WWOX: variants seen among roughly 807,000 people sequenced by gnomAD.
WWOX encodes WW domain containing oxidoreductase.
A neutral mutation model predicts 46.2 loss-of-function variants in WWOX; 69 were observed. That is an observed-to-expected ratio of 1.49 (90% CI 1.23 to 1.82). The LOEUF (loss-of-function observed/expected upper bound fraction) is 1.82. Among genes scored for constraint, WWOX ranks in the 40% most tolerant of loss-of-function variants. The pLI is 0.00. For synonymous variants in WWOX, 359 were observed against 202.6 expected (o/e 1.77, Z -6.56); for missense variants, 919 against 542.6 (o/e 1.69, Z -6.89).
chr16:78,394,964 A>G (rs2082252913), intron 6 of WWOX, among the ~76,000 whole-genome samples: 1 of 152,196 alleles, frequency 6.6e-6, no homozygotes, highest in South Asian at 2.1e-4. Flanking sequence ...AGTGTGTGTA[A>G]TGTGTATTTT....
At chr16:78,351,970 T>C (rs1185903021) in intron 5 of WWOX, among the ~76,000 whole-genome samples, 1 of 152,186 alleles carries the variant, frequency 6.6e-6, no homozygotes, top group African/African-American at 2.4e-5. Context: ...TGTTTGTTTT[T>C]CTTCAAACCT....
intron 8 of WWOX, among the ~76,000 whole-genome samples, chr16:78,505,727 C>G (rs2085183353): frequency 6.6e-6 from 1 of 152,220 alleles, no homozygotes; most frequent in Non-Finnish European, 1.5e-5. Flanking sequence ...AGGGAGCATG[C>G]AGGCTTAAGG....
chr16:79,197,121 C>A (rs991102469), intron 8 of WWOX, among the ~76,000 whole-genome samples: 2 of 152,208 alleles, frequency 1.3e-5, no homozygotes, highest in African/African-American at 4.8e-5. Context: ...TTATAGGGAC[C>A]AAGTTGAAAC....
At chr16:79,187,791 C>T (rs1291263354) in intron 8 of WWOX, among the ~76,000 whole-genome samples, 2 of 152,258 alleles carry the variant, frequency 1.3e-5, no homozygotes, top group African/African-American at 2.4e-5. Context: ...ATGCACTGGC[C>T]TTGGCCTCCC....
intron 8 of WWOX, among the ~76,000 whole-genome samples, chr16:79,199,011 T>G (rs2051294846): frequency 6.6e-6 from 1 of 152,206 alleles, no homozygotes; most frequent in Non-Finnish European, 1.5e-5. Flanking sequence ...TCACTTGCTC[T>G]TTGACCTAGG....
At chr16:78,457,459 C>A (rs2083846513) in intron 8 of WWOX, among the ~76,000 whole-genome samples, 1 of 152,076 alleles carries the variant, frequency 6.6e-6, no homozygotes, top group Non-Finnish European at 1.5e-5. Context: ...TGAATTTCAC[C>A]AATTGGTAGG....
intron 8 of WWOX, among the ~76,000 whole-genome samples, chr16:78,710,485 TATA>T (rs2142321690): frequency 1.5e-5 from 2 of 130,610 alleles, no homozygotes; most frequent in South Asian, 4.5e-4. Flanking sequence ...TATATATATA[TATA>T]TATATATATA....
intron 8 of WWOX, among the ~76,000 whole-genome samples, chr16:78,654,245 G>C (rs1052381904): frequency 6.6e-6 from 1 of 152,196 alleles, no homozygotes; most frequent in African/African-American, 2.4e-5. Flanking sequence ...CTGGTTTTCA[G>C]ATTCTTTATT....
intron 8 of WWOX, among the ~76,000 whole-genome samples, chr16:78,567,124 G>A (rs1329971748): frequency 2.0e-5 from 3 of 152,200 alleles, no homozygotes; most frequent in Non-Finnish European, 4.4e-5. Context: ...GAATGACCCA[G>A]TAAAGATCAC....
chr16:78,229,190 G>A (rs34592201), intron 5 of WWOX, among the ~76,000 whole-genome samples: 17,977 of 150,688 alleles, frequency 0.12, 1,246 homozygotes, highest in Non-Finnish European at 0.15. Flanking sequence ...ATGAGGTTAC[G>A]AATCATAGTG....
Position 78,802,939 on chromosome 16 carries a change from AAAAC to A in WWOX, c.1056+370190_1056+370193del, listed in dbSNP as rs2050932152. Among the ~76,000 whole-genome samples the A allele has an allele frequency of 6.3e-5, 6 of 95,426 alleles. 2 individuals are homozygous for A. The highest frequency in any genetic ancestry group is 1.9e-4 in the African/African-American group (4 of 21,022). The allele number at this position is 95,426 out of a possible 152,430, so 62.6% of individuals were successfully genotyped here. A position where few individuals can be genotyped will look rare whatever the true frequency, so the allele number is the denominator to read the frequency against. On this transcript the variant is annotated intron_variant, in intron 8 of 8. Transcript: ENST00000566780. ...TGAAAAAAAAAAAAAAAAAAAAAAA[AAAAC>A]AACAAACAGAAAAATGAACGAGTGA...
chr16:79,137,076 T>C (rs148441514), intron 8 of WWOX, among the ~76,000 whole-genome samples: 1 of 152,208 alleles, frequency 6.6e-6, no homozygotes, highest in African/African-American at 2.4e-5. Flanking sequence ...ATCTGCCAGC[T>C]AATTCCGGTT....
chr16:78,732,982 G>A (rs1372458832), intron 8 of WWOX, among the ~76,000 whole-genome samples: 4 of 152,014 alleles, frequency 2.6e-5, no homozygotes, highest in South Asian at 2.1e-4. Flanking sequence ...TTTCCTTCTC[G>A]TCTTTTCTTT....
Position 78,907,125 on chromosome 16 carries a change from G to GT in WWOX, c.1057-304476dup, listed in dbSNP as rs898700058. On this transcript the variant is annotated intron_variant, in intron 8 of 8. Transcript: ENST00000566780. ...CTTTCCTGAAAATTCAGAGACTGGG[G>GT]TTTTTTTAAGGATAGTTTTGTGGAC... Among the ~76,000 whole-genome samples, 9 of 152,204 alleles carry GT rather than the reference G, an allele frequency of 5.9e-5. No individual in the cohort carries two copies. In the East Asian group the frequency reaches 9.7e-4, roughly 16 times the overall value.
intron 8 of WWOX, among the ~76,000 whole-genome samples, chr16:78,701,385 T>G (rs548014492): frequency 1.3e-5 from 2 of 152,198 alleles, no homozygotes; most frequent in African/African-American, 4.8e-5. Flanking sequence ...CCTACTTACC[T>G]TCTTTTTGAT....
At chr16:78,976,797 TAGTGCTGACAGTGTCAGTGTC>T (rs2046581518) in intron 8 of WWOX, among the ~76,000 whole-genome samples, 2 of 152,160 alleles carry the variant, frequency 1.3e-5, no homozygotes, top group African/African-American at 4.8e-5. Flanking sequence ...AGGCAGATCT[TAGTGCTGACAGTGTCAGTGTC>T]TTTAATGCCT....
At chr16:78,739,742 C>T (rs576356968) in intron 8 of WWOX, among the ~76,000 whole-genome samples, 2 of 152,166 alleles carry the variant, frequency 1.3e-5, no homozygotes, top group East Asian at 3.9e-4. Flanking sequence ...ACCCAGGAGG[C>T]GGAGGTTGCA....
intron 8 of WWOX, among the ~76,000 whole-genome samples, chr16:79,031,092 C>CAAA (rs60529075): frequency 4.8e-4 from 61 of 127,310 alleles, no homozygotes; most frequent in South Asian, 2.4e-3. Context: ...GACCCTGTCT[C>CAAA]AAAAAAAAAA....
At chr16:78,635,684 C>G (rs2046550134) in intron 8 of WWOX, among the ~76,000 whole-genome samples, 1 of 152,160 alleles carries the variant, frequency 6.6e-6, no homozygotes, top group African/African-American at 2.4e-5. Flanking sequence ...ACGGTGAGTA[C>G]TCACTACTTA....
Sources: gnomAD v4.1 joint callset for allele counts (sites outside exome capture counted in the v4.1 genomes callset) on GRCh38, gnomAD v4.1.1 for gene constraint, MANE v1.5 for transcripts, NCBI Gene and HGNC (gene_info 2026-07-23, HGNC 2026-07-21) for gene names.